The following PHF14 variants were observed in gnomAD, a reference collection of about 807,000 sequenced individuals.
The protein encoded by PHF14 is PHD finger protein 14.
In PHF14, 55 loss-of-function variants were observed where a neutral mutation model predicts 117.9. That is an observed-to-expected ratio of 0.47 (90% CI 0.38 to 0.58). The LOEUF is 0.58. Among genes scored for constraint, PHF14 ranks in the 20% least tolerant of loss-of-function variants. PHF14 has a pLI of 0.00. For missense variants in PHF14, 978 were observed against 1,122.2 expected (o/e 0.87, Z 1.84); for synonymous variants, 409 against 368.6 (o/e 1.11, Z -1.26).
chr7:11,106,310 C>T (rs1787260968), intron 16 of PHF14: 2 of 975,606 alleles, frequency 2.1e-6, no homozygotes, highest in African/African-American at 3.5e-5. Flanking sequence ...ACTACCCATT[C>T]ATTCATTATT....
At chr7:10,993,371 T>G (rs17163892) in intron 4 of PHF14, among the ~76,000 whole-genome samples, 5,535 of 152,256 alleles carry the variant, frequency 0.036, 273 homozygotes, top group African/African-American at 0.11. Context: ...TGATCTGTGA[T>G]TCTCTAGCTA....
At chr7:11,037,126 T>G in intron 10 of PHF14, 35 bp downstream of exon 10, 1 of 1,439,712 alleles carries the variant, frequency 6.9e-7, no homozygotes, top group Middle Eastern at 2.0e-4. Context: ...CATAATGTGA[T>G]AGATCTTACT....
chr7:11,069,530 CTT>C (rs1279855321), intron 16 of PHF14, among the ~76,000 whole-genome samples: 1 of 112,628 alleles, frequency 8.9e-6, no homozygotes, highest in Non-Finnish European at 1.7e-5. Flanking sequence ...TGTATTGCCT[CTT>C]TTATGTATTT....
chr7:11,104,667 G>T (rs778461334), intron 16 of PHF14: 1 of 960,216 alleles, frequency 1.0e-6, no homozygotes. Context: ...GTTCTCAAAC[G>T]TTGTGCATTG....
intron 16 of PHF14, among the ~76,000 whole-genome samples, chr7:11,086,382 A>C (rs1458398238): frequency 6.6e-6 from 1 of 152,046 alleles, no homozygotes; most frequent in Non-Finnish European, 1.5e-5. Context: ...TTCTTTCTAA[A>C]ACTAACCTGT....
intron 16 of PHF14, among the ~76,000 whole-genome samples, chr7:11,079,685 A>C (rs142604478): frequency 8.2e-4 from 125 of 152,258 alleles, no homozygotes; most frequent in African/African-American, 2.8e-3. Context: ...CTCTGTTTTC[A>C]AAATAAATTA....
chr7:10,990,919 T>C, intron 4 of PHF14, 72 bp downstream of exon 4: 7 of 1,015,650 alleles, frequency 6.9e-6, no homozygotes, highest in Non-Finnish European at 1.0e-5. Context: ...ACTAAGGTGG[T>C]TCTACAATAT....
At chr7:11,110,622 G>A (rs1787413822) in intron 16 of PHF14, 2 of 550,222 alleles carry the variant, frequency 3.6e-6, no homozygotes, top group Non-Finnish European at 4.6e-6. Context: ...GTTTTTAAAT[G>A]TACTAGGAAG....
intron 3 of PHF14, 134 bp from the exon 4 acceptor site, chr7:10,990,569 A>G: frequency 1.7e-6 from 1 of 589,722 alleles, no homozygotes; most frequent in South Asian, 2.4e-5. Context: ...TTTGAAGTTA[A>G]TAAAAGAATG....
chr7:11,086,029 A>G (rs1336809589), intron 16 of PHF14, among the ~76,000 whole-genome samples: 1 of 152,148 alleles, frequency 6.6e-6, no homozygotes, highest in East Asian at 1.9e-4. Flanking sequence ...TAAACCGAGG[A>G]TAATAATCTT....
At chr7:11,106,660 C>T in intron 16 of PHF14, 1 of 982,664 alleles carries the variant, frequency 1.0e-6, no homozygotes, top group Non-Finnish European at 1.2e-6. Flanking sequence ...CTCATCGCTA[C>T]CTGTTAATAG....
chr7:11,090,491 A>C (rs1229543153), intron 16 of PHF14, among the ~76,000 whole-genome samples: 1 of 152,184 alleles, frequency 6.6e-6, no homozygotes, highest in Non-Finnish European at 1.5e-5. Context: ...GAACTGCAAA[A>C]TTGCCTGATT....
chr7:11,043,782 A>G (rs1028026495), intron 13 of PHF14, among the ~76,000 whole-genome samples: 4 of 152,142 alleles, frequency 2.6e-5, no homozygotes, highest in African/African-American at 9.7e-5. Context: ...AGAAACTGCT[A>G]TAGCATATTC....
At position 11,028,705 on chromosome 7, in the gene PHF14, C is replaced by A. The variant is rs1381854007; in HGVS notation, c.1342C>A (p.Arg448Ser). 1 of 1,613,608 alleles carries A rather than the reference C, an allele frequency of 6.2e-7. No homozygotes were observed. Among genetic ancestry groups the A allele is most frequent in the South Asian group, 1.1e-5 (1 of 91,060 alleles). Reference protein sequence around the residue: ...AKECSFCEDPRFARTGVCISC... With the variant: ...AKECSFCEDPSFARTGVCISC... ...GGAGTGTAGCTTTTGTGAAGACCCT[C>A]GCTTTGCTAGAACTGGGGTTTGCAT... The change falls in exon 7 of 18, where the codon CGC becomes AGC. Residue 448 changes from arginine (R) to serine (S), a missense_variant. Arg to Ser is a moderately radical substitution (Grantham distance 110, BLOSUM62 -1). This residue lies in a region of PHF14 where 21 missense variants were observed against 16.5 expected (regional missense o/e 1.27). Coordinates refer to ENST00000634607, the MANE Select transcript of PHF14 (RefSeq NM_001007157.2).
intron 17 of PHF14, among the ~76,000 whole-genome samples, chr7:11,154,426 T>A (rs1247222789): frequency 6.6e-6 from 1 of 152,216 alleles, no homozygotes; most frequent in Non-Finnish European, 1.5e-5. Context: ...GCTTTGTATT[T>A]GTAAGAATAT....
intron 14 of PHF14, among the ~76,000 whole-genome samples, chr7:11,057,766 C>T (rs922428807): frequency 1.3e-5 from 2 of 152,088 alleles, no homozygotes; most frequent in African/African-American, 4.8e-5. Flanking sequence ...CCAATCTCTT[C>T]TATGGATTTT....
At chr7:11,046,543 T>C (rs1039346943) in intron 13 of PHF14, among the ~76,000 whole-genome samples, 2 of 152,204 alleles carry the variant, frequency 1.3e-5, no homozygotes, top group African/African-American at 4.8e-5. Context: ...TTACATTTTT[T>C]TATTGCCTCT....
intron 4 of PHF14, among the ~76,000 whole-genome samples, chr7:11,012,563 AC>A (rs1354400841): frequency 6.6e-6 from 1 of 152,216 alleles, no homozygotes; most frequent in Non-Finnish European, 1.5e-5. Context: ...ATCTAAGGCA[AC>A]TTTGCTTTTG....
intron 16 of PHF14, among the ~76,000 whole-genome samples, chr7:11,075,341 AAAGAG>A (rs1785793698): frequency 2.0e-5 from 3 of 152,144 alleles, no homozygotes; most frequent in Admixed American, 2.0e-4. Context: ...TTTATAAAGA[AAAGAG>A]GTTTATTTGG....
Sources: gnomAD v4.1 joint callset for allele counts (sites outside exome capture counted in the v4.1 genomes callset) on GRCh38, gnomAD v4.1.1 for gene constraint, gnomAD v4.1.1 regional missense constraint, MANE v1.5 for transcripts, NCBI Gene and HGNC (gene_info 2026-07-23, HGNC 2026-07-21) for gene names.